NRXN1: variants seen among roughly 807,000 people sequenced by gnomAD.
NRXN1 encodes the protein neurexin-1.
NRXN1 carries 39 observed loss-of-function variants against 150.9 expected under a neutral mutation model. The observed-to-expected ratio is 0.26, with a 90% CI of 0.20 to 0.34. The LOEUF is 0.34. NRXN1 is among the 10% of genes least tolerant of loss of function. NRXN1 has a pLI of 1.00. For synonymous variants in NRXN1, 924 were observed against 757.0 expected (o/e 1.22, Z -3.62); for missense variants, 1,815 against 1,949.9 (o/e 0.93, Z 1.30).
chr2:50,940,861 G>A (rs967809504), intron 2 of NRXN1, among the ~76,000 whole-genome samples: 12 of 152,114 alleles, frequency 7.9e-5, no homozygotes, highest in African/African-American at 2.9e-4. Flanking sequence ...ATGTATATCA[G>A]AATTTGCAAA....
chr2:50,039,898 AC>A (rs1350886562), intron 21 of NRXN1, among the ~76,000 whole-genome samples: 9 of 152,338 alleles, frequency 5.9e-5, no homozygotes, highest in African/African-American at 1.2e-4. Flanking sequence ...AAGGGAATCC[AC>A]TTGACCTTGA....
intron 17 of NRXN1, among the ~76,000 whole-genome samples, chr2:50,259,967 C>G (rs624753): frequency 4.6e-5 from 7 of 151,420 alleles, no homozygotes; most frequent in African/African-American, 1.7e-4. Flanking sequence ...CCTGCATGTA[C>G]AGATGAAATT....
At chr2:50,569,728 T>C (rs1159926) in intron 8 of NRXN1, among the ~76,000 whole-genome samples, 5,310 of 152,182 alleles carry the variant, frequency 0.035, 280 homozygotes, top group African/African-American at 0.12. Context: ...ATTCTGCAGC[T>C]CACAGGCATT....
chr2:50,562,034 A>G (rs1226593449), intron 8 of NRXN1, among the ~76,000 whole-genome samples: 1 of 152,190 alleles, frequency 6.6e-6, no homozygotes, highest in African/African-American at 2.4e-5. Context: ...GCTAGTTTCA[A>G]TGGGGGAAAA....
intron 5 of NRXN1, among the ~76,000 whole-genome samples, chr2:50,816,771 G>C (rs568504099): frequency 1.3e-5 from 2 of 152,222 alleles, no homozygotes; most frequent in South Asian, 4.1e-4. Context: ...GTATCCTACG[G>C]AGAGCCTGAA....
chr2:50,153,626 C>T (rs529891707), intron 18 of NRXN1, among the ~76,000 whole-genome samples: 22 of 151,688 alleles, frequency 1.5e-4, no homozygotes, highest in East Asian at 1.4e-3. Context: ...GTATGCACAC[C>T]GACTTTCTAA....
intron 5 of NRXN1, among the ~76,000 whole-genome samples, chr2:50,627,435 C>T (rs73933008): frequency 1.2e-3 from 183 of 147,144 alleles, no homozygotes; most frequent in Admixed American, 2.4e-3. Context: ...TTTATATTGT[C>T]TGGCATTGCA....
At chr2:50,558,406 T>C (rs2105375187) in intron 8 of NRXN1, among the ~76,000 whole-genome samples, 1 of 152,332 alleles carries the variant, frequency 6.6e-6, no homozygotes, top group South Asian at 2.1e-4. Flanking sequence ...CAAACAGCTG[T>C]TTGTCATTAG....
At chr2:50,858,511 T>C (rs1270234299) in intron 5 of NRXN1, among the ~76,000 whole-genome samples, 1 of 151,994 alleles carries the variant, frequency 6.6e-6, no homozygotes, top group Non-Finnish European at 1.5e-5. Flanking sequence ...GTGAGATTAA[T>C]AGCAATAATT....
At chr2:50,061,942 G>A (rs1694601076) in intron 19 of NRXN1, among the ~76,000 whole-genome samples, 1 of 152,118 alleles carries the variant, frequency 6.6e-6, no homozygotes, top group African/African-American at 2.4e-5. Flanking sequence ...TTTTTGACAG[G>A]AGGAAAGACT....
intron 21 of NRXN1, among the ~76,000 whole-genome samples, chr2:49,977,946 G>A (rs977323765): frequency 1.3e-5 from 2 of 151,972 alleles, no homozygotes; most frequent in Non-Finnish European, 2.9e-5. Flanking sequence ...AGTGGATCAC[G>A]AGGTCAGGAG....
At chr2:50,388,351 T>C (rs2081464194) in intron 17 of NRXN1, among the ~76,000 whole-genome samples, 1 of 152,184 alleles carries the variant, frequency 6.6e-6, no homozygotes, top group Non-Finnish European at 1.5e-5. Context: ...AATATGATTC[T>C]AGTTCTAATC....
At chr2:50,331,036 CAAT>C (rs1356452779) in intron 17 of NRXN1, among the ~76,000 whole-genome samples, 4 of 151,818 alleles carry the variant, frequency 2.6e-5, no homozygotes, top group African/African-American at 7.3e-5. Context: ...AATTATAACC[CAAT>C]AATAATGTCA....
At chr2:51,004,452 T>C (rs947966763) in intron 2 of NRXN1, among the ~76,000 whole-genome samples, 14 of 151,906 alleles carry the variant, frequency 9.2e-5, no homozygotes. Context: ...AAAAAATGAA[T>C]AATTAAAAAG....
At chr2:50,299,424 T>A (rs944056813) in intron 17 of NRXN1, among the ~76,000 whole-genome samples, 1 of 103,562 alleles carries the variant, frequency 9.7e-6, no homozygotes, top group African/African-American at 3.2e-5. Flanking sequence ...TTTTTTTTTT[T>A]TAAAACTGAC....
intron 18 of NRXN1, among the ~76,000 whole-genome samples, chr2:50,094,488 T>G (rs1699964031): frequency 6.6e-6 from 1 of 152,196 alleles, no homozygotes; most frequent in South Asian, 2.1e-4. Flanking sequence ...GATATGTGTC[T>G]TCTGGGACTT....
intron 5 of NRXN1, among the ~76,000 whole-genome samples, chr2:50,872,931 G>A (rs1440787007): frequency 6.6e-6 from 1 of 151,886 alleles, no homozygotes; most frequent in Non-Finnish European, 1.5e-5. Flanking sequence ...GAGTTCAGGA[G>A]TAGAGGCTGC....
chr2:50,618,766 A>T (rs890161833), intron 8 of NRXN1, among the ~76,000 whole-genome samples: 1 of 149,688 alleles, frequency 6.7e-6, no homozygotes, highest in Non-Finnish European at 1.5e-5. Flanking sequence ...TAGTACTATA[A>T]TAATAATAAT....
intron 21 of NRXN1, among the ~76,000 whole-genome samples, chr2:49,960,058 T>C (rs1480886761): frequency 1.3e-5 from 2 of 152,212 alleles, no homozygotes; most frequent in Non-Finnish European, 2.9e-5. Context: ...ATTTTTGAAT[T>C]GGAAAGCCTT....
Sources: allele counts gnomAD v4.1 joint callset (sites outside exome capture counted in the v4.1 genomes callset), GRCh38; gene constraint gnomAD v4.1.1; transcripts MANE v1.5; gene names NCBI Gene and HGNC (gene_info 2026-07-23, HGNC 2026-07-21).